The following C1orf185 variants were observed in gnomAD, a reference collection of about 807,000 sequenced individuals.
C1orf185 encodes the protein uncharacterized protein C1orf185.
A neutral mutation model predicts 16.1 loss-of-function variants in C1orf185; 13 were observed. The ratio of observed to expected loss-of-function variants is 0.81; its 90% CI spans 0.53 to 1.28. The LOEUF (loss-of-function observed/expected upper bound fraction) is 1.28, where lower values mean the gene tolerates loss of function less well. C1orf185 is among the 50% of genes most tolerant of loss of function. C1orf185 has a pLI of 0.00. For missense variants in C1orf185, 220 were observed against 225.2 expected (o/e 0.98, Z 0.15); for synonymous variants, 80 against 76.9 (o/e 1.04, Z -0.21).
intron 2 of C1orf185, among the ~76,000 whole-genome samples, chr1:51,116,883 T>A (rs1401782426): frequency 1.3e-5 from 2 of 152,196 alleles, no homozygotes; most frequent in Non-Finnish European, 2.9e-5. Context: ...TACTGCTGTT[T>A]CTTCAGATGC....
intron 3 of C1orf185, among the ~76,000 whole-genome samples, chr1:51,134,079 C>G (rs1304529626): frequency 6.8e-6 from 1 of 146,272 alleles, no homozygotes; most frequent in Non-Finnish European, 1.5e-5. Context: ...AAGACTCTGT[C>G]AAAAAAAAAA....
intron 3 of C1orf185, among the ~76,000 whole-genome samples, chr1:51,127,387 C>T (rs1646249207): frequency 6.6e-6 from 1 of 152,056 alleles, no homozygotes; most frequent in African/African-American, 2.4e-5. Context: ...CTCCTGGGTT[C>T]AAGCGATTCT....
At chr1:51,113,962 G>A (rs996897525) in intron 2 of C1orf185, among the ~76,000 whole-genome samples, 1 of 152,176 alleles carries the variant, frequency 6.6e-6, no homozygotes, top group African/African-American at 2.4e-5. Flanking sequence ...GATTTGCAAT[G>A]CCACTAGCAG....
intron 1 of C1orf185, among the ~76,000 whole-genome samples, chr1:51,108,254 A>G (rs1161889395): frequency 6.6e-6 from 1 of 151,874 alleles, no homozygotes; most frequent in African/African-American, 2.4e-5. Context: ...TTACATGTTT[A>G]TTGGCCATTT....
chr1:51,132,202 T>C (rs778940668), intron 3 of C1orf185, among the ~76,000 whole-genome samples: 13 of 152,154 alleles, frequency 8.5e-5, no homozygotes, highest in Non-Finnish European at 1.9e-4. Flanking sequence ...TTCCTCCAAA[T>C]GACCATCAGC....
intron 3 of C1orf185, among the ~76,000 whole-genome samples, chr1:51,141,862 C>T (rs553838521): frequency 9.9e-5 from 15 of 152,034 alleles, no homozygotes; most frequent in East Asian, 7.7e-4. Flanking sequence ...GATGGAGTAT[C>T]GCTCTGTTGC....
chr1:51,141,441 C>A (rs1032547491), intron 3 of C1orf185, among the ~76,000 whole-genome samples: 1 of 152,048 alleles, frequency 6.6e-6, no homozygotes, highest in Non-Finnish European at 1.5e-5. Context: ...GCCATGAGCC[C>A]GTGATTGCAC....
At chr1:51,135,081 T>C (rs1377851107) in intron 3 of C1orf185, among the ~76,000 whole-genome samples, 1 of 152,198 alleles carries the variant, frequency 6.6e-6, no homozygotes, top group African/African-American at 2.4e-5. Context: ...TTGAAGAACA[T>C]TGATGCAACA....
intron 1 of C1orf185, among the ~76,000 whole-genome samples, chr1:51,110,470 G>A (rs538309608): frequency 6.6e-6 from 1 of 152,008 alleles, no homozygotes; most frequent in Non-Finnish European, 1.5e-5. Flanking sequence ...ACTAAGATTT[G>A]ACAGGCACTA....
At chr1:51,111,644 C>T (rs765072465) in intron 1 of C1orf185, among the ~76,000 whole-genome samples, 1 of 151,880 alleles carries the variant, frequency 6.6e-6, no homozygotes, top group African/African-American at 2.4e-5. Flanking sequence ...CTCAGCCTCC[C>T]GAGTAGCTGG....
intron 2 of C1orf185, among the ~76,000 whole-genome samples, chr1:51,117,310 G>A (rs998457145): frequency 2.0e-5 from 3 of 152,114 alleles, no homozygotes; most frequent in Non-Finnish European, 4.4e-5. Context: ...ATGGCAATGA[G>A]CATTATTATT....
intron 3 of C1orf185, among the ~76,000 whole-genome samples, chr1:51,131,332 T>C (rs1646283687): frequency 6.6e-6 from 1 of 152,276 alleles, no homozygotes; most frequent in African/African-American, 2.4e-5. Context: ...CATCTGTGAA[T>C]TGCTTTTGCA....
chr1:51,122,151 A>G (rs1285295987), intron 3 of C1orf185, among the ~76,000 whole-genome samples: 1 of 151,916 alleles, frequency 6.6e-6, no homozygotes, highest in Non-Finnish European at 1.5e-5. Context: ...AAAATATCAA[A>G]TTTTCTGTGG....
At chr1:51,119,233 A>G (rs1259099367) in intron 3 of C1orf185, among the ~76,000 whole-genome samples, 1 of 152,256 alleles carries the variant, frequency 6.6e-6, no homozygotes, top group Admixed American at 6.5e-5. Context: ...TATTGAAGAT[A>G]GTAAGATATG....
intron 3 of C1orf185, among the ~76,000 whole-genome samples, chr1:51,126,700 A>G (rs144146675): frequency 2.1e-3 from 326 of 152,368 alleles, no homozygotes; most frequent in Non-Finnish European, 3.8e-3. Flanking sequence ...GTTTTCCTCC[A>G]GTGCTAAAAT....
chr1:51,152,163 A>G (rs1570329222), downstream of C1orf185, among the ~76,000 whole-genome samples: 1 of 152,122 alleles, frequency 6.6e-6, no homozygotes, highest in Non-Finnish European at 1.5e-5. Context: ...CTTGTAGCAG[A>G]CCCAGGGCCA....
chr1:51,142,069 C>G (rs1164304923), intron 3 of C1orf185, among the ~76,000 whole-genome samples: 1 of 152,042 alleles, frequency 6.6e-6, no homozygotes, highest in Non-Finnish European at 1.5e-5. Flanking sequence ...GCCACAGCAC[C>G]CAGCCCAAAT....
At chr1:51,120,495 C>T (rs1646190163) in intron 3 of C1orf185, among the ~76,000 whole-genome samples, 1 of 152,172 alleles carries the variant, frequency 6.6e-6, no homozygotes, top group South Asian at 2.1e-4. Context: ...CTGTAGTGAG[C>T]ACCGTACAAT....
chr1:51,152,136 A>G (rs905995884), downstream of C1orf185, among the ~76,000 whole-genome samples: 10 of 152,138 alleles, frequency 6.6e-5, no homozygotes, highest in African/African-American at 1.9e-4. Flanking sequence ...TGCCTTTGAC[A>G]CTGTGCTGCC....
Sources: allele counts gnomAD v4.1 joint callset (sites outside exome capture counted in the v4.1 genomes callset), GRCh38; gene constraint gnomAD v4.1.1; transcripts MANE v1.5; gene names NCBI Gene and HGNC (gene_info 2026-07-23, HGNC 2026-07-21).